The following FRYL variants were observed in gnomAD, a reference collection of about 807,000 sequenced individuals.
FRYL encodes FRY like transcription coactivator, also known as protein furry homolog-like.
A neutral mutation model predicts 351.2 loss-of-function variants in FRYL; 150 were observed. That is an observed-to-expected ratio of 0.43 (90% CI 0.37 to 0.49). FRYL has a LOEUF of 0.49. Ranked by LOEUF, FRYL falls within the 20% of genes least tolerant of loss-of-function variation. The probability of loss-of-function intolerance (pLI) is 0.00; values close to 1 mark genes in which losing one functional copy is unlikely to be tolerated. For missense variants in FRYL, 3,036 were observed against 3,619.3 expected, an observed-to-expected ratio of 0.84 and a Z score of 4.13; for synonymous variants, 1,153 against 1,257.1, an observed-to-expected ratio of 0.92 and a Z score of 1.75.
At chr4:48,604,237 A>G (rs1474520921) in intron 11 of FRYL, among the ~76,000 whole-genome samples, 1 of 152,228 alleles carries the variant, frequency 6.6e-6, no homozygotes. Context: ...ATGAGTAAAG[A>G]AAGAGAAGCC....
At position 48,780,261 on chromosome 4, in the gene FRYL, C is replaced by T. The variant is rs1317968771; in HGVS notation, c.-567G>A. On this transcript the variant is annotated 5_prime_UTR_variant, in exon 1 of 64. Coordinates refer to ENST00000358350, the MANE Select transcript of FRYL (RefSeq NM_015030.2). ...ACCGGATTTCTCTCTCGCTCTCTCC[C>T]AGAGCCCGACGGGCGCCCGGCTGTG... 2 of 152,826 alleles carry T rather than the reference C, an allele frequency of 1.3e-5. No homozygotes were observed. Among genetic ancestry groups the T allele is most frequent in the East Asian group, 3.9e-4 (2 of 5,104 alleles). The allele number at this position is 152,826 out of a possible 1,614,324, so 9.5% of individuals were successfully genotyped here.
intron 3 of FRYL, chr4:48,638,711 T>C (rs543931450): frequency 1.1e-4 from 16 of 152,328 alleles, no homozygotes; most frequent in African/African-American, 3.6e-4. Context: ...CCAACCCAAA[T>C]GCCCATCAAT....
At chr4:48,775,016 C>T (rs996231008) in intron 1 of FRYL, among the ~76,000 whole-genome samples, 5 of 152,112 alleles carry the variant, frequency 3.3e-5, no homozygotes, top group African/African-American at 7.2e-5. Context: ...TTGAAATGCA[C>T]GATACCTGTA....
At chr4:48,502,369 C>T (rs991984661) in intron 61 of FRYL, among the ~76,000 whole-genome samples, 11 of 151,852 alleles carry the variant, frequency 7.2e-5, no homozygotes, top group Admixed American at 5.9e-4. Flanking sequence ...GGTGAAACCC[C>T]GTCTCTACTA....
At chr4:48,650,249 C>T (rs1757341413) in intron 3 of FRYL, among the ~76,000 whole-genome samples, 1 of 152,130 alleles carries the variant, frequency 6.6e-6, no homozygotes, top group African/African-American at 2.4e-5. Flanking sequence ...TATATTTATG[C>T]TTCTACCTTC....
chr4:48,640,847 A>G (rs552089907), intron 3 of FRYL, among the ~76,000 whole-genome samples: 2 of 152,326 alleles, frequency 1.3e-5, no homozygotes, highest in African/African-American at 4.8e-5. Context: ...AGCCTATCCT[A>G]TCCCTGTCAG....
intron 2 of FRYL, among the ~76,000 whole-genome samples, chr4:48,699,895 A>G (rs1371944161): frequency 6.6e-6 from 1 of 152,224 alleles, no homozygotes; most frequent in African/African-American, 2.4e-5. Context: ...AAGAATTTTA[A>G]CATACATTTA....
At chr4:48,632,620 A>C (rs2149365216) in intron 4 of FRYL, among the ~76,000 whole-genome samples, 1 of 151,736 alleles carries the variant, frequency 6.6e-6, no homozygotes, top group Non-Finnish European at 1.5e-5. Flanking sequence ...ATACATTAGT[A>C]TAAAAATCAA....
At chr4:48,662,211 C>T (rs917426072) in intron 3 of FRYL, among the ~76,000 whole-genome samples, 3 of 152,124 alleles carry the variant, frequency 2.0e-5, no homozygotes, top group Non-Finnish European at 2.9e-5. Flanking sequence ...GAAGCCAAGG[C>T]GGGAACACTG....
At chr4:48,748,306 T>C (rs889514245) in intron 1 of FRYL, among the ~76,000 whole-genome samples, 1 of 152,140 alleles carries the variant, frequency 6.6e-6, no homozygotes, top group African/African-American at 2.4e-5. Context: ...TGACATCCAT[T>C]CGCCACTCCT....
At chr4:48,608,587 G>T (rs1157095367) in intron 9 of FRYL, among the ~76,000 whole-genome samples, 2 of 152,034 alleles carry the variant, frequency 1.3e-5, no homozygotes, top group African/African-American at 4.8e-5. Flanking sequence ...ACTCTGTTTA[G>T]CATTAAAACA....
chr4:48,535,764 T>C lies in FRYL; in HGVS notation c.6457A>G (p.Thr2153Ala). The C allele has an allele frequency of 6.2e-7, 1 of 1,603,010 alleles. No homozygotes were observed. Among genetic ancestry groups the C allele is most frequent in the Non-Finnish European group, 8.5e-7 (1 of 1,173,832 alleles). ...GAACAGTCTCTGGAATACGTGTGTG[T>C]ACTGTACAAACTCATCATGTGTGCC... is the stretch of plus-strand genomic sequence containing the variant. ...NLAHMMSLYS[T>A]HTYSRDCSNW... is the part of the protein sequence containing the mutation. Residue 2153 changes from threonine (T) to alanine (A), a missense_variant, in exon 48 of 64, where the codon ACA becomes GCA. Physicochemically the swap from Thr to Ala is moderately conservative, Grantham distance 58. Coordinates refer to ENST00000358350, the MANE Select transcript of FRYL (RefSeq NM_015030.2).
At chr4:48,608,929 G>T in intron 9 of FRYL, 58 bp downstream of exon 9, 2 of 1,004,210 alleles carry the variant, frequency 2.0e-6, no homozygotes, top group Non-Finnish European at 3.2e-6. Context: ...TGTATTCATT[G>T]GTAATGAAGC....
chr4:48,711,328 G>T (rs1262285210), intron 1 of FRYL, among the ~76,000 whole-genome samples: 5 of 152,272 alleles, frequency 3.3e-5, no homozygotes, highest in Non-Finnish European at 5.9e-5. Flanking sequence ...AGGGGTGACA[G>T]ATGGCACCTG....
intron 4 of FRYL, among the ~76,000 whole-genome samples, chr4:48,632,113 T>TGTATATATATATATATATAC (rs1753302464): frequency 2.4e-5 from 1 of 40,860 alleles, no homozygotes; most frequent in Non-Finnish European, 6.4e-5. Flanking sequence ...TATATATATA[T>TGTATATATATATATATATAC]ATATATATAT....
At chr4:48,614,662 C>T (rs1324183974) in intron 7 of FRYL, among the ~76,000 whole-genome samples, 2 of 115,542 alleles carry the variant, frequency 1.7e-5, no homozygotes, top group Non-Finnish European at 3.2e-5. Flanking sequence ...GCAGAGGTTG[C>T]AGTGAGCCAA....
chr4:48,635,410 T>C (rs1043703275), intron 3 of FRYL, among the ~76,000 whole-genome samples: 1 of 152,142 alleles, frequency 6.6e-6, no homozygotes, highest in African/African-American at 2.4e-5. Flanking sequence ...GCAAAGTATT[T>C]GAGACTTGTC....
rs755471280 is a variant in FRYL, at chr4:48,573,177, A to T, written c.2904+9T>A. On this transcript the variant is annotated intron_variant, in intron 26 of 63. Transcript: ENST00000358350. ...GTTCACTAATACAAGGCTGCAGAAC[A>T]CAGCTCACCTCTGGCCTTCTTTCGA... 2.5e-6 allele frequency: 4 copies of T among 1,605,856 alleles called. No homozygotes were observed. The highest frequency in any genetic ancestry group is 3.4e-6 in the Non-Finnish European group (4 of 1,173,014).
chr4:48,718,276 T>C (rs1320618046), intron 1 of FRYL, among the ~76,000 whole-genome samples: 2 of 151,690 alleles, frequency 1.3e-5, no homozygotes, highest in Non-Finnish European at 2.9e-5. Context: ...CATTAAATCA[T>C]GTAATTTAAT....
Sources: gnomAD v4.1 joint callset for allele counts (sites outside exome capture counted in the v4.1 genomes callset) on GRCh38, gnomAD v4.1.1 for gene constraint, MANE v1.5 for transcripts, NCBI Gene and HGNC (gene_info 2026-07-23, HGNC 2026-07-21) for gene names.